The following SCOC variants were observed in gnomAD, a reference collection of about 807,000 sequenced individuals.
SCOC encodes short coiled-coil protein, also known as short coiled coil protein.
In SCOC, 7 loss-of-function variants were observed where a neutral mutation model predicts 9.9. That is an observed-to-expected ratio of 0.71 (90% CI 0.40 to 1.33). The LOEUF (loss-of-function observed/expected upper bound fraction) is 1.33, where lower values mean the gene tolerates loss of function less well. Ranked by LOEUF, SCOC falls within the 40% of genes most tolerant of loss-of-function variation. The pLI is 0.01. For missense variants in SCOC, 66 were observed against 89.7 expected (o/e 0.74, Z 1.07); for synonymous variants, 19 against 28.2 (o/e 0.67, Z 1.03).
upstream of SCOC, among the ~76,000 whole-genome samples, chr4:140,371,346 C>A (rs1042564172): frequency 1.3e-5 from 2 of 152,092 alleles, no homozygotes; most frequent in Non-Finnish European, 2.9e-5. Context: ...TTCTTCCCTA[C>A]GGCGATATAC....
intron 2 of SCOC, among the ~76,000 whole-genome samples, chr4:140,362,533 G>A (rs1304481828): frequency 6.6e-6 from 1 of 151,390 alleles, no homozygotes; most frequent in Non-Finnish European, 1.5e-5. Flanking sequence ...GACCTCAAGT[G>A]ATCTGCTCAC....
chr4:140,340,808 T>TTTTTTC (rs140552446), upstream of SCOC, among the ~76,000 whole-genome samples: 4,787 of 111,694 alleles, frequency 0.043, 1,049 homozygotes, highest in Non-Finnish European at 0.065. Context: ...TTTTTTTTTT[T>TTTTTTC]AGAGGGATAG....
chr4:140,298,116 G>A (rs570517879), intron 1 of SCOC, among the ~76,000 whole-genome samples: 61 of 152,232 alleles, frequency 4.0e-4, no homozygotes, highest in African/African-American at 1.5e-3. Flanking sequence ...TGGTTCTCGG[G>A]ATCGTTCGCC....
intron 1 of SCOC, among the ~76,000 whole-genome samples, chr4:140,287,288 A>AT (rs1731309712): frequency 1.4e-5 from 2 of 141,216 alleles, no homozygotes; most frequent in African/African-American, 6.4e-5. Flanking sequence ...TGCCACACAG[A>AT]CCATGCACAC....
chr4:140,306,652 G>A (rs1031745546), intron 1 of SCOC, among the ~76,000 whole-genome samples: 2 of 151,918 alleles, frequency 1.3e-5, no homozygotes, highest in Non-Finnish European at 2.9e-5. Context: ...TCCCCAAACA[G>A]AGAGACAGAG....
upstream of SCOC, chr4:140,373,354 T>C: frequency 2.8e-6 from 4 of 1,432,472 alleles, no homozygotes; most frequent in Non-Finnish European, 3.7e-6. Flanking sequence ...GGTTTCCTGA[T>C]AGACCTGATG....
intron 1 of SCOC, among the ~76,000 whole-genome samples, chr4:140,337,669 A>C (rs977798129): frequency 1.9e-4 from 29 of 152,220 alleles, no homozygotes; most frequent in African/African-American, 6.5e-4. Flanking sequence ...AATACTATAA[A>C]CACCTCTATG....
intron 1 of SCOC, among the ~76,000 whole-genome samples, chr4:140,313,663 G>T (rs1379155063): frequency 6.6e-6 from 1 of 152,050 alleles, no homozygotes; most frequent in Non-Finnish European, 1.5e-5. Context: ...TAGAGGTCTC[G>T]GACCTAAGAG....
At chr4:140,302,650 T>G (rs928027461) in intron 1 of SCOC, among the ~76,000 whole-genome samples, 2 of 152,190 alleles carry the variant, frequency 1.3e-5, no homozygotes, top group African/African-American at 2.4e-5. Context: ...TGGATGTCAT[T>G]CTCAATGATA....
Position 140,382,478 on chromosome 4 carries a change from T to C in SCOC, c.*1374T>C, listed in dbSNP as rs1279332237. 1 of 152,612 alleles carries C rather than the reference T, an allele frequency of 6.6e-6. No homozygotes were observed. Among genetic ancestry groups the C allele is most frequent in the Non-Finnish European group, 1.5e-5 (1 of 68,024 alleles). The allele number at this position is 152,612 out of a possible 1,614,324, so 9.5% of individuals were successfully genotyped here. On this transcript the variant is annotated 3_prime_UTR_variant, in exon 4 of 4. Transcript: ENST00000608372. The stretch of plus-strand genomic sequence containing the variant: ...CAAACTGCAAACATTTTGCATCCCT[T>C]TTGTGACCTAATTTACAGACATTTA...
intron 2 of SCOC, among the ~76,000 whole-genome samples, chr4:140,365,163 T>C (rs985728905): frequency 1.8e-5 from 2 of 112,402 alleles, no homozygotes; most frequent in Non-Finnish European, 3.5e-5. Context: ...ATGAAAGATA[T>C]GGATATGGCA....
intron 2 of SCOC, among the ~76,000 whole-genome samples, chr4:140,347,172 A>G (rs922507495): frequency 6.6e-6 from 1 of 152,124 alleles, no homozygotes; most frequent in African/African-American, 2.4e-5. Context: ...AATTTTTTTT[A>G]ATGGCTACTA....
intron 1 of SCOC, among the ~76,000 whole-genome samples, chr4:140,296,823 GCGTTGTTTTCTTC>G (rs1731653311): frequency 6.6e-6 from 1 of 151,848 alleles, no homozygotes; most frequent in African/African-American, 2.4e-5. Context: ...AAAAGACTGG[GCGTTGTTTTCTTC>G]CATCTTAACA....
At chr4:140,278,077 T>C (rs1241668962) in intron 1 of SCOC, among the ~76,000 whole-genome samples, 1 of 152,256 alleles carries the variant, frequency 6.6e-6, no homozygotes, top group Non-Finnish European at 1.5e-5. Flanking sequence ...GCTAAAGGTG[T>C]TGCCTTAGTC....
intron 1 of SCOC, among the ~76,000 whole-genome samples, chr4:140,309,476 C>T (rs1732088253): frequency 6.6e-6 from 1 of 152,168 alleles, no homozygotes. Context: ...CTTGTCACCA[C>T]TCTGTTGCTG....
chr4:140,330,468 TAA>T (rs920579185), intron 1 of SCOC, among the ~76,000 whole-genome samples: 1 of 152,192 alleles, frequency 6.6e-6, no homozygotes, highest in African/African-American at 2.4e-5. Flanking sequence ...AGCTTTTTGT[TAA>T]AGAGCACTTA....
intron 1 of SCOC, among the ~76,000 whole-genome samples, chr4:140,270,157 TG>T (rs1474708521): frequency 1.3e-5 from 2 of 152,148 alleles, no homozygotes; most frequent in East Asian, 3.8e-4. Flanking sequence ...CCCTTTGATA[TG>T]GGGGATACAA....
chr4:140,349,344 G>A (rs1354753858), intron 2 of SCOC, among the ~76,000 whole-genome samples: 1 of 152,106 alleles, frequency 6.6e-6, no homozygotes, highest in African/African-American at 2.4e-5. Flanking sequence ...TCAATTTTTT[G>A]TACAATTTCC....
At chr4:140,264,192 G>A (rs1578752679) in intron 1 of SCOC, among the ~76,000 whole-genome samples, 1 of 152,002 alleles carries the variant, frequency 6.6e-6, no homozygotes, top group African/African-American at 2.4e-5. Context: ...TTTTAGAGAT[G>A]GGGGTCTCAC....
Sources: gnomAD v4.1 joint callset for allele counts (sites outside exome capture counted in the v4.1 genomes callset) on GRCh38, gnomAD v4.1.1 for gene constraint, MANE v1.5 for transcripts, NCBI Gene and HGNC (gene_info 2026-07-23, HGNC 2026-07-21) for gene names.